The following PTPRM variants were observed in gnomAD, a reference collection of about 807,000 sequenced individuals.
PTPRM encodes the protein protein tyrosine phosphatase receptor type M, also known as receptor-type tyrosine-protein phosphatase mu.
A neutral mutation model predicts 186.7 loss-of-function variants in PTPRM; 47 were observed. That is an observed-to-expected ratio of 0.25 (90% CI 0.20 to 0.32). The LOEUF is 0.32. PTPRM is among the 10% of genes least tolerant of loss of function. The probability of loss-of-function intolerance (pLI) is 1.00; values close to 1 mark genes in which losing one functional copy is unlikely to be tolerated. For missense variants in PTPRM, 1,494 were observed against 1,865.0 expected (o/e 0.80, Z 3.66); for synonymous variants, 668 against 674.9 (o/e 0.99, Z 0.16).
Position 8,243,772 on chromosome 18 carries a change from T to C in PTPRM, c.2301-286T>C, listed in dbSNP as rs73939410. ...ACTAGAATCATTGGTCATTTTAATC[T>C]AGCTTATAATAGGAGAAACAGTGTT... On this transcript the variant is annotated intron_variant, in intron 14 of 32. Coordinates refer to ENST00000580170, the MANE Select transcript of PTPRM (RefSeq NM_001105244.2). 4.4e-3 allele frequency among the ~76,000 whole-genome samples: 668 copies of C among 152,370 alleles called. 6 individuals carry two copies. The highest frequency in any genetic ancestry group is 0.015 in the African/African-American group (632 of 41,590).
intron 1 of PTPRM, among the ~76,000 whole-genome samples, chr18:7,686,889 T>C (rs540430017): frequency 2.6e-5 from 4 of 152,268 alleles, no homozygotes; most frequent in Middle Eastern, 3.4e-3. Context: ...TAATTTAAGA[T>C]TGAAGATAAA....
At chr18:8,193,013 A>G (rs2093729169) in intron 14 of PTPRM, among the ~76,000 whole-genome samples, 1 of 152,090 alleles carries the variant, frequency 6.6e-6, no homozygotes, top group African/African-American at 2.4e-5. Flanking sequence ...ACAGTTGGAT[A>G]TATTGAATGT....
chr18:7,845,517 A>G (rs1349698363), intron 2 of PTPRM, among the ~76,000 whole-genome samples: 4 of 152,234 alleles, frequency 2.6e-5, no homozygotes, highest in Admixed American at 2.0e-4. Flanking sequence ...CTTATGATCA[A>G]ATATTTTACA....
chr18:8,031,398 G>A (rs779879575), intron 7 of PTPRM, among the ~76,000 whole-genome samples: 23 of 152,154 alleles, frequency 1.5e-4, no homozygotes, highest in African/African-American at 5.3e-4. Context: ...GACATCATGC[G>A]TTTGATATTT....
intron 7 of PTPRM, among the ~76,000 whole-genome samples, chr18:7,984,547 A>C (rs1325298930): frequency 2.2e-5 from 3 of 136,040 alleles, no homozygotes; most frequent in Admixed American, 1.5e-4. Context: ...GGTAGTATAC[A>C]TATATGCCCC....
intron 2 of PTPRM, among the ~76,000 whole-genome samples, chr18:7,793,348 A>C (rs913382628): frequency 2.6e-5 from 4 of 152,240 alleles, no homozygotes; most frequent in African/African-American, 9.6e-5. Context: ...TGTTCTTATA[A>C]GAAGTAAATG....
chr18:8,143,561 T>C, intron 13 of PTPRM, 86 bp from the exon 14 acceptor site: 2 of 1,436,056 alleles, frequency 1.4e-6, no homozygotes. Flanking sequence ...TATTACTCTG[T>C]TAAATGCAGC....
intron 19 of PTPRM, among the ~76,000 whole-genome samples, chr18:8,261,384 G>A (rs1295663123): frequency 6.6e-6 from 1 of 152,122 alleles, no homozygotes; most frequent in Non-Finnish European, 1.5e-5. Flanking sequence ...GGTGAGCCAG[G>A]TCCATAAGAA....
At chr18:8,033,216 G>T (rs1271277442) in intron 7 of PTPRM, among the ~76,000 whole-genome samples, 1 of 152,008 alleles carries the variant, frequency 6.6e-6, no homozygotes, top group Admixed American at 6.6e-5. Context: ...CTGGGCAAAG[G>T]ATTATAACAG....
At chr18:7,618,680 T>C (rs1054340283) in intron 1 of PTPRM, among the ~76,000 whole-genome samples, 31 of 152,332 alleles carry the variant, frequency 2.0e-4, no homozygotes, top group African/African-American at 7.0e-4. Context: ...CCCTTTGATT[T>C]GTGATGCCTT....
At chr18:7,746,391 G>A (rs934966198) in intron 1 of PTPRM, among the ~76,000 whole-genome samples, 1 of 152,044 alleles carries the variant, frequency 6.6e-6, no homozygotes, top group Non-Finnish European at 1.5e-5. Context: ...ATCTAATGAC[G>A]ATATCCTTCA....
intron 1 of PTPRM, among the ~76,000 whole-genome samples, chr18:7,652,682 T>C (rs1293997162): frequency 7.0e-6 from 1 of 142,446 alleles, no homozygotes; most frequent in Admixed American, 7.7e-5. Flanking sequence ...ATATTCTCAC[T>C]CATAGGTGGG....
intron 1 of PTPRM, among the ~76,000 whole-genome samples, chr18:7,681,817 A>G (rs2144578343): frequency 6.6e-6 from 1 of 152,268 alleles, no homozygotes; most frequent in South Asian, 2.1e-4. Context: ...GCTGGAGATA[A>G]GTATGTTTAT....
intron 2 of PTPRM, among the ~76,000 whole-genome samples, chr18:7,778,472 AT>A (rs1327540366): frequency 6.6e-6 from 1 of 151,192 alleles, no homozygotes; most frequent in Non-Finnish European, 1.5e-5. Flanking sequence ...TTTTCTTTTT[AT>A]TTTTTTGAGG....
chr18:8,012,605 A>G (rs1301328723), intron 7 of PTPRM, among the ~76,000 whole-genome samples: 1 of 152,206 alleles, frequency 6.6e-6, no homozygotes, highest in African/African-American at 2.4e-5. Context: ...ATGTGACTGT[A>G]CTGAGTACTG....
chr18:8,391,370 T>C (rs2095811408), intron 31 of PTPRM, among the ~76,000 whole-genome samples: 1 of 152,224 alleles, frequency 6.6e-6, no homozygotes, highest in Non-Finnish European at 1.5e-5. Flanking sequence ...GTTGGATAAA[T>C]TGTACAGTGG....
At chr18:8,071,383 T>C (rs1374954133) in intron 8 of PTPRM, among the ~76,000 whole-genome samples, 5 of 152,226 alleles carry the variant, frequency 3.3e-5, no homozygotes, top group East Asian at 3.8e-4. Flanking sequence ...ATCCTTATTA[T>C]TTTATGCTGA....
intron 14 of PTPRM, among the ~76,000 whole-genome samples, chr18:8,240,827 AAAGAAAG>A (rs2094425956): frequency 4.3e-5 from 1 of 23,150 alleles, no homozygotes; most frequent in Non-Finnish European, 8.4e-5. Context: ...AGAGAGAGAG[AAAGAAAG>A]AAAGAAAGAA....
chr18:8,253,697 A>G (rs1461377567), intron 19 of PTPRM, among the ~76,000 whole-genome samples: 1 of 152,170 alleles, frequency 6.6e-6, no homozygotes, highest in Non-Finnish European at 1.5e-5. Context: ...ATTCTTTTCA[A>G]TCCTCATTTG....
Sources: allele counts gnomAD v4.1 joint callset (sites outside exome capture counted in the v4.1 genomes callset), GRCh38; gene constraint gnomAD v4.1.1; transcripts MANE v1.5; gene names NCBI Gene and HGNC (gene_info 2026-07-23, HGNC 2026-07-21).